Variants in DPP10 observed in about 807,000 individuals in gnomAD.
The protein encoded by DPP10 is dipeptidyl peptidase like 10.
Under a neutral mutation model 120.9 loss-of-function variants are expected in DPP10, and 33 were observed. The observed-to-expected ratio is 0.27, with a 90% CI of 0.21 to 0.37. The LOEUF (loss-of-function observed/expected upper bound fraction) is 0.37. DPP10 is among the 10% of genes least tolerant of loss of function. The probability of loss-of-function intolerance (pLI) is 1.00; values close to 1 mark genes in which losing one functional copy is unlikely to be tolerated. For synonymous variants in DPP10, 337 were observed against 326.1 expected, an observed-to-expected ratio of 1.03 and a Z score of -0.36; for missense variants, 816 against 942.8, an observed-to-expected ratio of 0.87 and a Z score of 1.76.
chr2:115,609,544 G>T (rs1457163669), intron 5 of DPP10, among the ~76,000 whole-genome samples: 1 of 151,868 alleles, frequency 6.6e-6, no homozygotes, highest in Non-Finnish European at 1.5e-5. Flanking sequence ...AAGTGTTCAA[G>T]CTAAAAATAA....
rs184097155 is a variant in DPP10, at chr2:115,320,498, T to C, written c.175+11145T>C. On this transcript the variant is annotated intron_variant, in intron 2 of 25. Coordinates refer to ENST00000410059, the MANE Select transcript of DPP10 (RefSeq NM_020868.6). The stretch of plus-strand genomic sequence containing the variant: ...ATCTCTTCTCATTTCCTCTCGAATT[T>C]TTTTTCTTATGGTTATGTTGGTCAT... 3.9e-4 allele frequency among the ~76,000 whole-genome samples: 59 copies of C among 152,138 alleles called. No homozygotes were observed. The Middle Eastern group carries it at 0.014, about 35-fold the overall frequency.
chr2:115,755,889 A>ATATATACTTTTTAAAAAG (rs1170925166), intron 11 of DPP10, among the ~76,000 whole-genome samples: 6 of 151,266 alleles, frequency 4.0e-5, no homozygotes, highest in Non-Finnish European at 8.9e-5. Context: ...AAAAGCATAC[A>ATATATACTTTTTAAAAAG]TATATACTTT....
intron 3 of DPP10, among the ~76,000 whole-genome samples, chr2:115,479,625 T>C (rs1362668640): frequency 6.7e-6 from 1 of 149,864 alleles, no homozygotes; most frequent in African/African-American, 2.5e-5. Context: ...CAGTTTAATT[T>C]TAAATAAAAA....
intron 11 of DPP10, among the ~76,000 whole-genome samples, chr2:115,756,649 C>T (rs1025439821): frequency 3.3e-5 from 5 of 151,926 alleles, no homozygotes; most frequent in Non-Finnish European, 7.4e-5. Flanking sequence ...ACTCTAGAAG[C>T]GGGTGGATTG....
At chr2:114,513,145 T>C (rs1196228590) in intron 1 of DPP10, among the ~76,000 whole-genome samples, 2 of 152,132 alleles carry the variant, frequency 1.3e-5, no homozygotes, top group African/African-American at 4.8e-5. Context: ...CATGAAACAA[T>C]CTTCATTACT....
intron 1 of DPP10, among the ~76,000 whole-genome samples, chr2:114,588,131 T>C (rs947600235): frequency 2.0e-5 from 3 of 152,132 alleles, no homozygotes; most frequent in Non-Finnish European, 4.4e-5. Context: ...ACAGAACAAA[T>C]AAAAAAGCCC....
At position 114,784,494 on chromosome 2, in the gene DPP10, A is replaced by G. The variant is rs530445201; in HGVS notation, c.60+341656A>G. ...GTGAAGATGTCACTGGCGACTGCCT[A>G]TTACATAAAACCTTCTCAAATATGT... On this transcript the variant is annotated intron_variant, in intron 1 of 25. Coordinates refer to ENST00000410059, the MANE Select transcript of DPP10 (RefSeq NM_020868.6). Among the ~76,000 whole-genome samples the G allele has an allele frequency of 1.5e-4, 23 of 152,258 alleles. No individual in the cohort carries two copies. The South Asian group carries it at 2.9e-3, about 19-fold the overall frequency.
At chr2:115,683,615 T>A (rs1455926815) in intron 5 of DPP10, among the ~76,000 whole-genome samples, 1 of 151,828 alleles carries the variant, frequency 6.6e-6, no homozygotes, top group Non-Finnish European at 1.5e-5. Flanking sequence ...GTGAGTACTC[T>A]CTGTAACTTC....
intron 1 of DPP10, among the ~76,000 whole-genome samples, chr2:115,211,302 C>A (rs1027983431): frequency 2.7e-5 from 4 of 149,260 alleles, no homozygotes; most frequent in Non-Finnish European, 5.9e-5. Flanking sequence ...TATCATTTCT[C>A]ATAGGAAATC....
chr2:115,073,412 A>AGG (rs1181483386), intron 1 of DPP10, among the ~76,000 whole-genome samples: 33 of 152,314 alleles, frequency 2.2e-4, no homozygotes. Context: ...CGCTAGGCGC[A>AGG]GGGGGTGGCA....
chr2:114,966,781 C>T (rs555590992), intron 1 of DPP10, among the ~76,000 whole-genome samples: 2 of 152,204 alleles, frequency 1.3e-5, no homozygotes, highest in Non-Finnish European at 2.9e-5. Context: ...GTGGCTCATG[C>T]CTGTAATCCC....
At chr2:114,484,706 C>T (rs942416402) in intron 1 of DPP10, among the ~76,000 whole-genome samples, 1 of 152,024 alleles carries the variant, frequency 6.6e-6, no homozygotes, top group African/African-American at 2.4e-5. Flanking sequence ...ACAGGAATCT[C>T]GAACAATATC....
At chr2:114,494,395 G>A (rs554510632) in intron 1 of DPP10, among the ~76,000 whole-genome samples, 2 of 152,308 alleles carry the variant, frequency 1.3e-5, no homozygotes, top group South Asian at 2.1e-4. Context: ...CTGAGGAGAT[G>A]AAACTCACTT....
At position 114,664,718 on chromosome 2, in the gene DPP10, C is replaced by CCA. The variant is rs1249174809; in HGVS notation, c.60+221880_60+221881insCA. On this transcript the variant is annotated intron_variant, in intron 1 of 25. Coordinates refer to ENST00000410059, the MANE Select transcript of DPP10 (RefSeq NM_020868.6). Reference sequence around the variant, plus strand: ...AGGCACAATCGGGGATGGAGAGGAACACAGATGGCATAGAGCATCCAAAAG... The same window carrying CCA: ...AGGCACAATCGGGGATGGAGAGGAACCAACAGATGGCATAGAGCATCCAAAAG... 5.4e-4 allele frequency among the ~76,000 whole-genome samples: 82 copies of CCA among 150,574 alleles called. 2 individuals are homozygous for CCA. Among genetic ancestry groups the CCA allele is most frequent in the African/African-American group, 2.0e-3 (81 of 41,046 alleles).
At chr2:115,807,162 A>T (rs1686081158) in intron 19 of DPP10, among the ~76,000 whole-genome samples, 2 of 152,218 alleles carry the variant, frequency 1.3e-5, no homozygotes, top group South Asian at 4.1e-4. Flanking sequence ...GTTAGAAATT[A>T]TCTCAAATGA....
intron 11 of DPP10, among the ~76,000 whole-genome samples, chr2:115,756,057 A>G (rs918540506): frequency 6.6e-6 from 1 of 152,084 alleles, no homozygotes; most frequent in African/African-American, 2.4e-5. Flanking sequence ...GGAGGACGTT[A>G]TGTTAACTGA....
At chr2:115,685,484 C>T (rs894689033) in intron 5 of DPP10, among the ~76,000 whole-genome samples, 2 of 151,928 alleles carry the variant, frequency 1.3e-5, no homozygotes, top group South Asian at 2.1e-4. Flanking sequence ...ACATAAGCTC[C>T]GTGGGGACAG....
intron 3 of DPP10, among the ~76,000 whole-genome samples, chr2:115,383,158 G>T (rs76690591): frequency 3.9e-5 from 6 of 152,286 alleles, no homozygotes; most frequent in Non-Finnish European, 5.9e-5. Flanking sequence ...GTGATGATGT[G>T]GTTTGGCTGT....
chr2:115,691,174 T>C (rs1351657917), intron 7 of DPP10, among the ~76,000 whole-genome samples: 2 of 152,106 alleles, frequency 1.3e-5, no homozygotes, highest in East Asian at 3.9e-4. Flanking sequence ...CATTGTTTGG[T>C]CTATCTTCAT....
Sources: gnomAD v4.1 joint callset for allele counts (sites outside exome capture counted in the v4.1 genomes callset) on GRCh38, gnomAD v4.1.1 for gene constraint, MANE v1.5 for transcripts, NCBI Gene and HGNC (gene_info 2026-07-23, HGNC 2026-07-21) for gene names.